EHBP1: variants seen among roughly 807,000 people sequenced by gnomAD.
The protein encoded by EHBP1 is EH domain-binding protein 1.
In EHBP1, 55 loss-of-function variants were observed where a neutral mutation model predicts 144.0. The observed-to-expected ratio is 0.38, with a 90% CI of 0.31 to 0.48. EHBP1 has a LOEUF of 0.48. Among genes scored for constraint, EHBP1 ranks in the 20% least tolerant of loss-of-function variants. The pLI is 0.98. For missense variants in EHBP1, 1,200 were observed against 1,364.2 expected, an observed-to-expected ratio of 0.88 and a Z score of 1.90; for synonymous variants, 469 against 472.7, an observed-to-expected ratio of 0.99 and a Z score of 0.10.
intron 1 of EHBP1, among the ~76,000 whole-genome samples, chr2:62,692,170 G>T (rs931501203): frequency 6.6e-6 from 1 of 152,088 alleles, no homozygotes; most frequent in Admixed American, 6.5e-5. Flanking sequence ...ACTTAACATA[G>T]TTTTCAAGGT....
chr2:62,727,444 C>T (rs1370599994), intron 2 of EHBP1, among the ~76,000 whole-genome samples: 2 of 152,064 alleles, frequency 1.3e-5, no homozygotes, highest in African/African-American at 2.4e-5. Context: ...GAAAAAATCC[C>T]GTACCTGTTA....
chr2:62,826,089 A>G lies in EHBP1; in HGVS notation c.315A>G (p.Glu105=). The G allele has an allele frequency of 1.4e-6, 2 of 1,457,176 alleles. No homozygotes were observed. The highest frequency in any genetic ancestry group is 1.8e-6 in the Non-Finnish European group (2 of 1,101,290). 90.3% of individuals were successfully genotyped at this position (1,457,176 alleles called of 1,614,324 possible). A position where few individuals can be genotyped will look rare whatever the true frequency, so the allele number is the denominator to read the frequency against. Residue 105 remains glutamate, a splice_region_variant and synonymous_variant, in exon 6 of 23, where the codon GAA becomes GAG. Transcript: ENST00000431489. ...DKEWTFVIEN[E]SPSGRRKALA... is the part of the protein sequence containing the mutation. ...TTTTTTTTTCTTTAATCTTCCAGGA[A>G]TCCCCTTCTGGTCGAAGGAAAGCTC...
chr2:62,852,355 A>G (rs2152762754), intron 7 of EHBP1, among the ~76,000 whole-genome samples: 1 of 152,216 alleles, frequency 6.6e-6, no homozygotes, highest in Middle Eastern at 3.4e-3. Flanking sequence ...ATTGATGAGA[A>G]TTAGCTGATT....
At chr2:62,977,374 CTA>C (rs1302079021) in intron 14 of EHBP1, among the ~76,000 whole-genome samples, 1 of 151,988 alleles carries the variant, frequency 6.6e-6, no homozygotes, top group East Asian at 1.9e-4. Context: ...TTTCTTGTCT[CTA>C]TGTTTTTGTA....
chr2:62,874,615 T>A (rs2050738430), intron 10 of EHBP1, 83 bp downstream of exon 10: 2 of 1,183,290 alleles, frequency 1.7e-6, no homozygotes, highest in African/African-American at 3.1e-5. Context: ...AGAAAAGTAA[T>A]TTTTGGCTAT....
At chr2:62,940,533 A>G (rs2056687635) in intron 10 of EHBP1, among the ~76,000 whole-genome samples, 1 of 152,208 alleles carries the variant, frequency 6.6e-6, no homozygotes, top group Admixed American at 6.5e-5. Flanking sequence ...ATCAAGAGCC[A>G]GCTGTAACAA....
At chr2:62,929,171 C>T (rs1314374921) in intron 10 of EHBP1, among the ~76,000 whole-genome samples, 2 of 152,168 alleles carry the variant, frequency 1.3e-5, no homozygotes, top group African/African-American at 4.8e-5. Flanking sequence ...GAAGAACCAA[C>T]ACTAATTCTT....
At position 62,943,014 on chromosome 2, in the gene EHBP1, C is replaced by T; in HGVS notation, c.1364+118C>T. On this transcript the variant is annotated intron_variant, in intron 11 of 22. Transcript: ENST00000431489. ...ATTTATATTTGTTTTATTACCCCAC[C>T]TCTTGCTTTTGAGAGATATATGTCA... 4.0e-6 allele frequency: 3 copies of T among 751,554 alleles called. No individual in the cohort carries two copies. In the South Asian group the frequency reaches 7.6e-5, roughly 19 times the overall value. The allele number at this position is 751,554 out of a possible 1,614,324, so 46.6% of individuals were successfully genotyped here.
In EHBP1 at chr2:62,955,544, C is replaced by A; in HGVS notation, c.2344C>A (p.Leu782Ile). 1 of 1,611,268 alleles carries A rather than the reference C, an allele frequency of 6.2e-7. No individual in the cohort carries two copies. The highest frequency in any genetic ancestry group is 2.2e-5 in the East Asian group (1 of 44,744). The stretch of plus-strand genomic sequence containing the variant: ...TCGATTGTTATCTAGACAAGAAGAA[C>A]TTAAGGAAAGAGCAAGAGTTCTGCT... ...QHRLLSRQEE[L>I]KERARVLLEQ... The change falls in exon 14 of 23, where the codon CTT (leucine) becomes ATT (isoleucine). Residue 782 changes from leucine to isoleucine, a missense_variant. Leu to Ile is a conservative substitution (Grantham distance 5). This residue lies in a region of EHBP1 where 543 missense variants were observed against 513.1 expected (regional missense o/e 1.06). Coordinates refer to ENST00000431489, the MANE Select transcript of EHBP1 (RefSeq NM_001142616.3).
intron 6 of EHBP1, among the ~76,000 whole-genome samples, chr2:62,828,577 C>A (rs1007485008): frequency 6.6e-6 from 1 of 151,924 alleles, no homozygotes; most frequent in South Asian, 2.1e-4. Context: ...AACTTTTGGG[C>A]GGTTATGGCC....
chr2:62,819,777 A>AC (rs879379616), intron 5 of EHBP1, among the ~76,000 whole-genome samples: 70 of 152,072 alleles, frequency 4.6e-4, no homozygotes, highest in Admixed American at 1.1e-3. Flanking sequence ...AAAACAAAAA[A>AC]AAAAAAACCC....
At chr2:62,895,610 A>T (rs1417542689) in intron 10 of EHBP1, among the ~76,000 whole-genome samples, 1 of 152,196 alleles carries the variant, frequency 6.6e-6, no homozygotes, top group African/African-American at 2.4e-5. Flanking sequence ...GGAAAAACAC[A>T]TGATCAGATT....
chr2:62,715,317 T>G (rs1386469939), intron 2 of EHBP1, among the ~76,000 whole-genome samples: 1 of 152,064 alleles, frequency 6.6e-6, no homozygotes, highest in African/African-American at 2.4e-5. Flanking sequence ...GGTTTCACCG[T>G]GTTAGCCAGG....
At position 62,675,439 on chromosome 2, in the gene EHBP1, A is replaced by G. The variant is rs555725917; in HGVS notation, c.-296+1356A>G. 1.4e-3 allele frequency among the ~76,000 whole-genome samples: 212 copies of G among 152,292 alleles called. 1 individual carries two copies. The highest frequency in any genetic ancestry group is 2.5e-3 in the Non-Finnish European group (171 of 68,016). On this transcript the variant is annotated intron_variant, in intron 1 of 22. Coordinates refer to the EHBP1 transcript ENST00000405015. ...GTCCTAGAGTACTGCTTTTTTGTGA[A>G]TATACTGAAGGTGACAACCTCCTGC...
intron 8 of EHBP1, among the ~76,000 whole-genome samples, chr2:62,859,909 C>T (rs770949946): frequency 1.3e-5 from 2 of 152,144 alleles, no homozygotes; most frequent in Non-Finnish European, 2.9e-5. Context: ...GTATGCTTAA[C>T]ATAAATGCAA....
At chr2:62,910,185 G>A (rs1039719524) in intron 10 of EHBP1, among the ~76,000 whole-genome samples, 3 of 152,144 alleles carry the variant, frequency 2.0e-5, no homozygotes, top group African/African-American at 4.8e-5. Flanking sequence ...AATTGGAGGT[G>A]CTTGAAGGAT....
At chr2:62,757,642 C>T (rs1048450360) in intron 3 of EHBP1, among the ~76,000 whole-genome samples, 37 of 151,858 alleles carry the variant, frequency 2.4e-4, no homozygotes, top group Admixed American at 1.3e-3. Context: ...CCATGTTGTT[C>T]AGGCTGGTCT....
chr2:63,038,667 A>T, intron 20 of EHBP1, 76 bp from the exon 21 acceptor site: 2 of 1,361,200 alleles, frequency 1.5e-6, no homozygotes, highest in African/African-American at 2.9e-5. Flanking sequence ...CCTAAAATCA[A>T]TGTAACCTAA....
chr2:62,955,825 C>A, intron 14 of EHBP1, 165 bp downstream of exon 14: 1 of 629,512 alleles, frequency 1.6e-6, no homozygotes, highest in Non-Finnish European at 2.5e-6. Context: ...ACTTGTAGGA[C>A]CATTTGATCA....
Sources: gnomAD v4.1 joint callset for allele counts (sites outside exome capture counted in the v4.1 genomes callset) on GRCh38, gnomAD v4.1.1 for gene constraint, gnomAD v4.1.1 regional missense constraint, MANE v1.5 for transcripts, NCBI Gene and HGNC (gene_info 2026-07-23, HGNC 2026-07-21) for gene names.